Variants in MTCL2 observed in about 807,000 individuals in gnomAD.
MTCL2 encodes the protein microtubule crosslinking factor 2, also known as microtubule cross-linking factor 2.
chr20:36,846,505 G>A, the MTCL2 span, among the ~76,000 whole-genome samples: 1 of 152,226 alleles, frequency 6.6e-6, no homozygotes, highest in Non-Finnish European at 1.5e-5. Context: ...CCTTTCTAGA[G>A]AATGCTTTTT....
the MTCL2 span, chr20:36,796,862 G>C: frequency 1.2e-6 from 2 of 1,613,450 alleles, no homozygotes; most frequent in Non-Finnish European, 1.7e-6. Flanking sequence ...AGGCAGAGCA[G>C]GGGACCAGCA....
chr20:36,858,711 C>T, the MTCL2 span, among the ~76,000 whole-genome samples: 3 of 152,162 alleles, frequency 2.0e-5, no homozygotes, highest in Admixed American at 6.6e-5. Context: ...TCACTGCTTG[C>T]AAAATGTTTT....
At chr20:36,777,754 A>C in the MTCL2 span, 1 of 586,272 alleles carries the variant, frequency 1.7e-6, no homozygotes, top group Non-Finnish European at 3.1e-6. Context: ...CCAGGAAACC[A>C]GGCTGAGTGG....
the MTCL2 span, among the ~76,000 whole-genome samples, chr20:36,851,117 G>T: frequency 6.6e-6 from 1 of 152,146 alleles, no homozygotes; most frequent in Non-Finnish European, 1.5e-5. Flanking sequence ...CTATATCTTG[G>T]TTGTGGTGGT....
the MTCL2 span, chr20:36,785,861 C>T: frequency 3.0e-6 from 3 of 985,836 alleles, no homozygotes; most frequent in East Asian, 1.1e-4. Flanking sequence ...TCCAGGGCTC[C>T]AGGACACTAA....
the MTCL2 span, chr20:36,804,724 G>T: frequency 3.7e-6 from 6 of 1,610,810 alleles, no homozygotes; most frequent in Non-Finnish European, 5.1e-6. Context: ...TCTGACAGGT[G>T]GGGGGCTCAC....
At chr20:36,829,122 G>A in the MTCL2 span, 4 of 1,585,460 alleles carry the variant, frequency 2.5e-6, no homozygotes, top group Non-Finnish European at 2.6e-6. Flanking sequence ...AGCCGCTGAC[G>A]AAGCTCTTCG....
the MTCL2 span, among the ~76,000 whole-genome samples, chr20:36,842,353 G>A: frequency 6.6e-6 from 1 of 152,196 alleles, no homozygotes; most frequent in Non-Finnish European, 1.5e-5. Context: ...GGGGAGGGAA[G>A]TAGAATTACG....
the MTCL2 span, among the ~76,000 whole-genome samples, chr20:36,825,628 G>A: frequency 6.6e-6 from 1 of 152,182 alleles, no homozygotes; most frequent in African/African-American, 2.4e-5. Context: ...TCAGGCCAGG[G>A]GCTCCTGTTC....
the MTCL2 span, chr20:36,786,199 C>T: frequency 9.7e-5 from 104 of 1,068,240 alleles, no homozygotes; most frequent in Middle Eastern, 3.4e-3. Flanking sequence ...ACCCAGGGAT[C>T]GGCTCTTGAC....
At chr20:36,848,369 C>T in the MTCL2 span, among the ~76,000 whole-genome samples, 1 of 152,230 alleles carries the variant, frequency 6.6e-6, no homozygotes, top group African/African-American at 2.4e-5. Flanking sequence ...CCTCGATGGA[C>T]TGATTCCCAA....
the MTCL2 span, chr20:36,793,328 ACCT>A: frequency 7.8e-4 from 1,203 of 1,551,660 alleles, 3 homozygotes; most frequent in African/African-American, 0.012. This position sits in a 1 kb window ranked among gnomAD's most constrained non-coding sequence, Gnocchi z 6.8. Flanking sequence ...GGTGAGTCTG[ACCT>A]CCTCACTGCT....
At chr20:36,850,276 C>G in the MTCL2 span, among the ~76,000 whole-genome samples, 1 of 152,124 alleles carries the variant, frequency 6.6e-6, no homozygotes, top group Admixed American at 6.5e-5. Context: ...CACCTGTAAT[C>G]CCAGCACTTT....
At chr20:36,863,007 G>C in the MTCL2 span, 1 of 1,400,954 alleles carries the variant, frequency 7.1e-7, no homozygotes, top group Non-Finnish European at 9.3e-7. The surrounding 1 kb of genome is among the most constrained non-coding windows in gnomAD (Gnocchi z 6.2). Context: ...GAGGCTGGGG[G>C]GCGGCGGTGG....
At chr20:36,806,928 C>A in the MTCL2 span, among the ~76,000 whole-genome samples, 1 of 152,144 alleles carries the variant, frequency 6.6e-6, no homozygotes, top group Non-Finnish European at 1.5e-5. Context: ...GTGGAGGGTT[C>A]GTCTGAGACA....
chr20:36,829,291 T>C, the MTCL2 span: 1 of 1,424,744 alleles, frequency 7.0e-7, no homozygotes, highest in Non-Finnish European at 9.3e-7. Context: ...CCACCCGACT[T>C]TCACAGCAGG....
At chr20:36,794,654 C>T in the MTCL2 span, 2 of 1,610,874 alleles carry the variant, frequency 1.2e-6, no homozygotes, top group Admixed American at 3.3e-5. This position sits in a 1 kb window ranked among gnomAD's most constrained non-coding sequence, Gnocchi z 5.4. Context: ...ACTGAGGGCA[C>T]ACTCTGGTCT....
At chr20:36,791,434 A>G in the MTCL2 span, among the ~76,000 whole-genome samples, 38 of 152,350 alleles carry the variant, frequency 2.5e-4, no homozygotes, top group Non-Finnish European at 4.7e-4. Flanking sequence ...TGTTCACCAC[A>G]GCATTATTTG....
the MTCL2 span, among the ~76,000 whole-genome samples, chr20:36,820,405 G>C: frequency 0.034 from 5,110 of 152,178 alleles, 332 homozygotes; most frequent in African/African-American, 0.12. Flanking sequence ...TCACTGACAT[G>C]GTAAAGTCTC....
Sources: gnomAD v4.1 joint callset for allele counts (sites outside exome capture counted in the v4.1 genomes callset) on GRCh38, gnomAD v4.1.1 for gene constraint, Gnocchi (gnomAD v3.1) non-coding constraint, MANE v1.5 for transcripts, NCBI Gene and HGNC (gene_info 2026-07-23, HGNC 2026-07-21) for gene names.